The following ARHGAP15 variants were observed in gnomAD, a reference collection of about 807,000 sequenced individuals.
ARHGAP15 encodes Rho GTPase activating protein 15, also known as rho GTPase-activating protein 15.
In ARHGAP15, 51 loss-of-function variants were observed where a neutral mutation model predicts 63.7. That is an observed-to-expected ratio of 0.80 (90% CI 0.64 to 1.01). ARHGAP15 has a LOEUF of 1.01. Among genes scored for constraint, ARHGAP15 ranks in the 50% least tolerant of loss-of-function variants. The pLI, the probability that ARHGAP15 is intolerant of heterozygous loss-of-function variation, is 0.00. For synonymous variants in ARHGAP15, 191 were observed against 193.8 expected (o/e 0.99, Z 0.12); for missense variants, 560 against 564.6 (o/e 0.99, Z 0.08).
chr2:143,624,354 A>C (rs1698758377), intron 12 of ARHGAP15, 87 bp downstream of exon 12: 1 of 1,403,644 alleles, frequency 7.1e-7, no homozygotes, highest in Non-Finnish European at 9.4e-7. Context: ...TTATAATAAT[A>C]ATCATGGGGA....
intron 6 of ARHGAP15, among the ~76,000 whole-genome samples, chr2:143,419,461 T>TGTCATGACAAAATGTGGAAAC (rs1553477586): frequency 6.6e-6 from 1 of 151,876 alleles, no homozygotes; most frequent in East Asian, 1.9e-4. Context: ...TGGGTTTATT[T>TGTCATGACAAAATGTGGAAAC]AACTAAATTG....
intron 11 of ARHGAP15, among the ~76,000 whole-genome samples, chr2:143,577,429 CA>C (rs1308919283): frequency 6.6e-6 from 1 of 152,072 alleles, no homozygotes; most frequent in Non-Finnish European, 1.5e-5. Context: ...TTTTAAGGGA[CA>C]AAAACCAAAG....
At position 143,738,282 on chromosome 2, in the gene ARHGAP15, T is replaced by TAAGC. The variant is rs1685832734; in HGVS notation, c.1245-29706_1245-29703dup. 3.3e-5 allele frequency among the ~76,000 whole-genome samples: 5 copies of TAAGC among 152,210 alleles called. No individual in the cohort carries two copies. In the South Asian group the frequency reaches 1.0e-3, roughly 32 times the overall value. ...AATTTTTTTTTATCAGAGTAGCAAA[T>TAAGC]AAGCTATCATATAGAACTGGTCAAA... On this transcript the variant is annotated intron_variant, in intron 13 of 13. Coordinates refer to ENST00000295095, the MANE Select transcript of ARHGAP15 (RefSeq NM_018460.4).
chr2:143,186,602 A>C (rs1691457243), intron 2 of ARHGAP15, among the ~76,000 whole-genome samples: 1 of 152,064 alleles, frequency 6.6e-6, no homozygotes, highest in Non-Finnish European at 1.5e-5. Flanking sequence ...AAACATTCCC[A>C]CTTGGTCCTA....
intron 12 of ARHGAP15, among the ~76,000 whole-genome samples, chr2:143,626,567 CCCCTGCT>C (rs1203111904): frequency 1.3e-5 from 2 of 152,100 alleles, no homozygotes. Flanking sequence ...CAGCGGGTTA[CCCCTGCT>C]GGCTGGGGTG....
At chr2:143,673,748 GTGTGTGTGTGTATA>G (rs1465775162) in intron 12 of ARHGAP15, among the ~76,000 whole-genome samples, 6 of 34,148 alleles carry the variant, frequency 1.8e-4, no homozygotes, top group South Asian at 2.0e-3. Context: ...GTGTGTGTGT[GTGTGTGTGTGTATA>G]TATATATATA....
At chr2:143,446,914 T>A (rs1370589862) in intron 8 of ARHGAP15, among the ~76,000 whole-genome samples, 2 of 152,134 alleles carry the variant, frequency 1.3e-5, no homozygotes, top group East Asian at 3.9e-4. Context: ...TTGCTGAGAA[T>A]GATGATTTCC....
At chr2:143,627,996 T>C (rs1413724904) in intron 12 of ARHGAP15, among the ~76,000 whole-genome samples, 1 of 152,014 alleles carries the variant, frequency 6.6e-6, no homozygotes, top group South Asian at 2.1e-4. Context: ...TCCCATCTAG[T>C]TGTCCCCAGT....
chr2:143,292,794 T>C (rs775721221), intron 6 of ARHGAP15, among the ~76,000 whole-genome samples: 2 of 152,020 alleles, frequency 1.3e-5, no homozygotes, highest in Non-Finnish European at 2.9e-5. Context: ...ATAATTCTTA[T>C]AATAGGAATT....
intron 6 of ARHGAP15, among the ~76,000 whole-genome samples, chr2:143,284,619 C>G (rs756837770): frequency 3.2e-4 from 48 of 152,160 alleles, no homozygotes; most frequent in Non-Finnish European, 1.5e-4. Context: ...CAGTGCGTCA[C>G]AAGACTTTAG....
At chr2:143,251,550 A>T (rs1259159812) in intron 6 of ARHGAP15, among the ~76,000 whole-genome samples, 1 of 152,026 alleles carries the variant, frequency 6.6e-6, no homozygotes, top group African/African-American at 2.4e-5. Flanking sequence ...TATTTTCCAG[A>T]TGCTATTCAG....
At chr2:143,528,931 T>A (rs1694405937) in intron 10 of ARHGAP15, among the ~76,000 whole-genome samples, 1 of 152,150 alleles carries the variant, frequency 6.6e-6, no homozygotes, top group African/African-American at 2.4e-5. Flanking sequence ...CTGGATTTAA[T>A]TATTGACTCT....
chr2:143,287,962 T>C (rs942713157), intron 6 of ARHGAP15, among the ~76,000 whole-genome samples: 1 of 152,176 alleles, frequency 6.6e-6, no homozygotes, highest in Non-Finnish European at 1.5e-5. Flanking sequence ...TCTTCCAAAC[T>C]TTAAGAGGTT....
At chr2:143,724,590 T>A (rs1027415944) in intron 13 of ARHGAP15, among the ~76,000 whole-genome samples, 2 of 152,082 alleles carry the variant, frequency 1.3e-5, no homozygotes, top group African/African-American at 4.8e-5. Context: ...CAATAGGAGG[T>A]ATTTAACAAA....
chr2:143,760,957 C>G (rs536624413), intron 13 of ARHGAP15, among the ~76,000 whole-genome samples: 1 of 152,120 alleles, frequency 6.6e-6, no homozygotes. Flanking sequence ...TCGAAACACA[C>G]TAATGTTAAA....
At chr2:143,292,170 G>A (rs1171548588) in intron 6 of ARHGAP15, among the ~76,000 whole-genome samples, 2 of 151,980 alleles carry the variant, frequency 1.3e-5, no homozygotes, top group Non-Finnish European at 2.9e-5. Flanking sequence ...GTTTTGCAAT[G>A]ACTATTAAAT....
At chr2:143,425,526 AT>A (rs931658707) in intron 6 of ARHGAP15, among the ~76,000 whole-genome samples, 3 of 152,078 alleles carry the variant, frequency 2.0e-5, no homozygotes, top group African/African-American at 4.8e-5. Context: ...TATGTACTAT[AT>A]GTTTTGTAAA....
intron 12 of ARHGAP15, among the ~76,000 whole-genome samples, chr2:143,690,512 T>G (rs920590568): frequency 6.6e-6 from 1 of 152,202 alleles, no homozygotes; most frequent in Non-Finnish European, 1.5e-5. Flanking sequence ...CAGAGGGGAA[T>G]GTTTATTTTT....
chr2:143,583,942 G>A (rs1005022452), intron 11 of ARHGAP15, among the ~76,000 whole-genome samples: 3 of 152,096 alleles, frequency 2.0e-5, no homozygotes, highest in African/African-American at 7.2e-5. Flanking sequence ...GCTAAATTAA[G>A]TGAAACTTTT....
Sources: allele counts gnomAD v4.1 joint callset (sites outside exome capture counted in the v4.1 genomes callset), GRCh38; gene constraint gnomAD v4.1.1; transcripts MANE v1.5; gene names NCBI Gene and HGNC (gene_info 2026-07-23, HGNC 2026-07-21).